ABTB3: variants seen among roughly 807,000 people sequenced by gnomAD.
ABTB3 encodes ankyrin repeat and BTB domain containing 3, also known as ankyrin repeat- and BTB/POZ domain-containing protein 3.
At chr12:107,635,190 G>A in the ABTB3 span, 3 of 1,067,638 alleles carry the variant, frequency 2.8e-6, no homozygotes, top group Admixed American at 2.1e-5. Context: ...AAATGTGTGA[G>A]CTCTTATCAC....
the ABTB3 span, among the ~76,000 whole-genome samples, chr12:107,334,439 G>A: frequency 6.6e-6 from 1 of 152,270 alleles, no homozygotes; most frequent in South Asian, 2.1e-4. Context: ...GACTCTGAAG[G>A]GTTTTTGGTT....
the ABTB3 span, among the ~76,000 whole-genome samples, chr12:107,484,527 G>A: frequency 1.3e-5 from 2 of 152,160 alleles, no homozygotes; most frequent in Non-Finnish European, 2.9e-5. Context: ...GGCATTGTAA[G>A]GACTTTGTAC....
chr12:107,652,826 T>C, the ABTB3 span, among the ~76,000 whole-genome samples: 1 of 152,254 alleles, frequency 6.6e-6, no homozygotes, highest in East Asian at 1.9e-4. Flanking sequence ...TTGTTCCACG[T>C]GCTGAGCACA....
chr12:107,374,075 C>T, the ABTB3 span, among the ~76,000 whole-genome samples: 1 of 152,138 alleles, frequency 6.6e-6, no homozygotes, highest in Non-Finnish European at 1.5e-5. Flanking sequence ...GAATCATCAG[C>T]CCCGTTACCT....
At chr12:107,573,442 A>T in the ABTB3 span, among the ~76,000 whole-genome samples, 1 of 151,510 alleles carries the variant, frequency 6.6e-6, no homozygotes, top group African/African-American at 2.4e-5. Flanking sequence ...GAATGAATGG[A>T]TGGGTGGCTG....
chr12:107,653,824 G>C, the ABTB3 span, among the ~76,000 whole-genome samples: 1 of 152,194 alleles, frequency 6.6e-6, no homozygotes, highest in African/African-American at 2.4e-5. Flanking sequence ...CCATTTTTAA[G>C]TATACAGTTC....
the ABTB3 span, among the ~76,000 whole-genome samples, chr12:107,441,448 T>C: frequency 6.6e-6 from 1 of 151,932 alleles, no homozygotes; most frequent in Non-Finnish European, 1.5e-5. Flanking sequence ...CAACACATAC[T>C]GGGGCCTATT....
At chr12:107,623,275 G>A in the ABTB3 span, among the ~76,000 whole-genome samples, 1 of 150,812 alleles carries the variant, frequency 6.6e-6, no homozygotes, top group African/African-American at 2.4e-5. Context: ...TGGCCAGGAT[G>A]GCCTCAATCT....
chr12:107,362,528 C>T, the ABTB3 span, among the ~76,000 whole-genome samples: 1 of 152,214 alleles, frequency 6.6e-6, no homozygotes, highest in Non-Finnish European at 1.5e-5. Flanking sequence ...TGTAGTGGCT[C>T]ACACCTGTAA....
the ABTB3 span, among the ~76,000 whole-genome samples, chr12:107,494,901 G>A: frequency 6.6e-6 from 1 of 152,178 alleles, no homozygotes; most frequent in Admixed American, 6.5e-5. Context: ...AGATGGCATT[G>A]CAGTCCCCCT....
chr12:107,573,518 A>G, the ABTB3 span, among the ~76,000 whole-genome samples: 400 of 152,184 alleles, frequency 2.6e-3, 5 homozygotes, highest in African/African-American at 9.2e-3. Context: ...GGATAGATGG[A>G]ACAGATGGTG....
chr12:107,517,729 A>C, the ABTB3 span, among the ~76,000 whole-genome samples: 5 of 152,184 alleles, frequency 3.3e-5, no homozygotes, highest in Admixed American at 2.0e-4. Context: ...CTAAAACACC[A>C]AAAGCAATGG....
chr12:107,470,002 T>TCTCTCTCTCTCTCTCTC, the ABTB3 span, among the ~76,000 whole-genome samples: 3 of 56,790 alleles, frequency 5.3e-5, no homozygotes, highest in East Asian at 5.3e-4. Flanking sequence ...CTTTCTTTCT[T>TCTCTCTCTCTCTCTCTC]TCTTTCTTTC....
the ABTB3 span, among the ~76,000 whole-genome samples, chr12:107,332,388 A>C: frequency 6.6e-6 from 1 of 152,302 alleles, no homozygotes; most frequent in African/African-American, 2.4e-5. Context: ...TATGAGGCAG[A>C]TATGGTTATC....
chr12:107,635,333 G>A, the ABTB3 span: 5 of 1,613,882 alleles, frequency 3.1e-6, no homozygotes, highest in South Asian at 2.2e-5. Context: ...ACACTGCTAC[G>A]GGCCCTACCC....
At chr12:107,366,658 A>T in the ABTB3 span, among the ~76,000 whole-genome samples, 9 of 152,216 alleles carry the variant, frequency 5.9e-5, no homozygotes, top group African/African-American at 2.2e-4. Context: ...TCAGCCTCTA[A>T]TTGGGAGATT....
At chr12:107,622,622 C>T in the ABTB3 span, among the ~76,000 whole-genome samples, 118 of 152,208 alleles carry the variant, frequency 7.8e-4, no homozygotes, top group African/African-American at 2.7e-3. Flanking sequence ...GCTGGGATTG[C>T]AGGCATGCAC....
At chr12:107,400,037 A>T in the ABTB3 span, among the ~76,000 whole-genome samples, 1 of 152,314 alleles carries the variant, frequency 6.6e-6, no homozygotes. Flanking sequence ...TTATGACTGC[A>T]TAGTATTCTA....
the ABTB3 span, among the ~76,000 whole-genome samples, chr12:107,612,512 C>T: frequency 6.6e-6 from 1 of 152,098 alleles, no homozygotes; most frequent in Non-Finnish European, 1.5e-5. Flanking sequence ...TCTGTTGCAC[C>T]CTAAGACAGA....
Sources: allele counts gnomAD v4.1 joint callset (sites outside exome capture counted in the v4.1 genomes callset), GRCh38; gene constraint gnomAD v4.1.1; transcripts MANE v1.5; gene names NCBI Gene and HGNC (gene_info 2026-07-23, HGNC 2026-07-21).